The following ADAM10 variants were observed in gnomAD, a reference collection of about 807,000 sequenced individuals.
The protein encoded by ADAM10 is disintegrin and metalloproteinase domain-containing protein 10.
Under a neutral mutation model 90.1 loss-of-function variants are expected in ADAM10, and 17 were observed. That is an observed-to-expected ratio of 0.19 (90% CI 0.13 to 0.28). ADAM10 has a LOEUF of 0.28. ADAM10 is among the 10% of genes least tolerant of loss of function. ADAM10 has a pLI of 1.00. For missense variants in ADAM10, 610 were observed against 914.3 expected, an observed-to-expected ratio of 0.67 and a Z score of 4.29; for synonymous variants, 310 against 298.6, an observed-to-expected ratio of 1.04 and a Z score of -0.40.
At chr15:58,632,170 C>T (rs1296118500) in intron 9 of ADAM10, among the ~76,000 whole-genome samples, 1 of 152,102 alleles carries the variant, frequency 6.6e-6, no homozygotes, top group Non-Finnish European at 1.5e-5. Flanking sequence ...TTCAGTATTT[C>T]ATATTTCTGT....
intron 14 of ADAM10, among the ~76,000 whole-genome samples, chr15:58,600,730 A>T (rs1436532723): frequency 1.3e-5 from 2 of 152,192 alleles, no homozygotes; most frequent in Non-Finnish European, 2.9e-5. Flanking sequence ...ATATTTTGCA[A>T]TTCCAAATAT....
intron 2 of ADAM10, among the ~76,000 whole-genome samples, chr15:58,683,276 CT>C (rs202114968): frequency 3.3e-5 from 5 of 151,032 alleles, no homozygotes; most frequent in African/African-American, 9.7e-5. Context: ...AGTATTACGT[CT>C]TTTTTTTTAC....
In ADAM10 at chr15:58,620,660, A is replaced by ATTTTTTTTTTT. The variant is rs570842513; in HGVS notation, c.1511+800_1511+810dup. Among the ~76,000 whole-genome samples, 2 of 59,416 alleles carry ATTTTTTTTTTT rather than the reference A, an allele frequency of 3.4e-5. 1 individual carries two copies. Among genetic ancestry groups the ATTTTTTTTTTT allele is most frequent in the Non-Finnish European group, 4.7e-5 (2 of 42,692 alleles). The allele number at this position is 59,416 out of a possible 152,430, so 39.0% of individuals were successfully genotyped here. On this transcript the variant is annotated intron_variant, in intron 11 of 15. Coordinates refer to ENST00000260408, the MANE Select transcript of ADAM10 (RefSeq NM_001110.4). The stretch of plus-strand genomic sequence containing the variant: ...CACAATAAGTAACTAAAGAATATGT[A>ATTTTTTTTTTT]TTTTTTTTTTTTTTTTTTTGAGACG...
chr15:58,686,307 C>T (rs1435738330), intron 2 of ADAM10: 15 of 595,548 alleles, frequency 2.5e-5, no homozygotes, highest in African/African-American at 1.5e-4. Flanking sequence ...AAAAGCCACT[C>T]CTTGGAAATA....
intron 1 of ADAM10, chr15:58,748,986 C>T (rs1899884627): frequency 2.5e-6 from 1 of 399,244 alleles, no homozygotes; most frequent in Non-Finnish European, 4.4e-6. Context: ...CGAGTCTGCG[C>T]GGCGGGTCTC....
At chr15:58,676,073 A>G in intron 4 of ADAM10, 1 of 266,158 alleles carries the variant, frequency 3.8e-6, no homozygotes, top group East Asian at 1.0e-4. Flanking sequence ...AAACACTGCT[A>G]AATATATTAA....
chr15:58,706,824 C>T (rs371497099), intron 2 of ADAM10, among the ~76,000 whole-genome samples: 201 of 152,098 alleles, frequency 1.3e-3, no homozygotes, highest in African/African-American at 4.5e-3. Context: ...GCCTGGCCAA[C>T]ATGGGGAAAC....
chr15:58,710,261 A>T (rs952917491), intron 2 of ADAM10, among the ~76,000 whole-genome samples: 1 of 152,228 alleles, frequency 6.6e-6, no homozygotes, highest in African/African-American at 2.4e-5. Context: ...CTGGAAAAAA[A>T]TGTGGAAAAT....
At chr15:58,721,920 C>T (rs1470628810) in intron 1 of ADAM10, among the ~76,000 whole-genome samples, 2 of 151,820 alleles carry the variant, frequency 1.3e-5, no homozygotes, top group African/African-American at 2.4e-5. Context: ...CCCAGCTACT[C>T]GGGAGGCTGA....
At chr15:58,743,826 G>A (rs1281100185) in intron 1 of ADAM10, among the ~76,000 whole-genome samples, 1 of 152,092 alleles carries the variant, frequency 6.6e-6, no homozygotes, top group African/African-American at 2.4e-5. Flanking sequence ...GGCTTGTCTC[G>A]AACTCCTGAC....
chr15:58,628,733 C>A (rs979972184), intron 9 of ADAM10, among the ~76,000 whole-genome samples: 23 of 152,214 alleles, frequency 1.5e-4, no homozygotes, highest in African/African-American at 5.1e-4. Context: ...GCAAAAAACA[C>A]TGGACACTAG....
chr15:58,643,811 G>C (rs1896476869), intron 7 of ADAM10, 75 bp downstream of exon 7: 1 of 1,149,434 alleles, frequency 8.7e-7, no homozygotes, highest in Non-Finnish European at 1.3e-6. Context: ...TTAAAAGCAA[G>C]CTTTTGTGTG....
At chr15:58,606,476 T>A (rs1245178334) in intron 14 of ADAM10, among the ~76,000 whole-genome samples, 3 of 152,244 alleles carry the variant, frequency 2.0e-5, no homozygotes, top group Admixed American at 6.5e-5. Flanking sequence ...TTGAGAAATC[T>A]GCTTCATTCA....
At chr15:58,653,424 G>A (rs1295288737) in intron 5 of ADAM10, among the ~76,000 whole-genome samples, 2 of 152,072 alleles carry the variant, frequency 1.3e-5, no homozygotes, top group Non-Finnish European at 2.9e-5. Flanking sequence ...TTTTTATCAG[G>A]AAAGGATTTT....
intron 1 of ADAM10, among the ~76,000 whole-genome samples, chr15:58,721,094 T>C (rs1294916103): frequency 6.6e-6 from 1 of 152,288 alleles, no homozygotes; most frequent in African/African-American, 2.4e-5. Flanking sequence ...TAACTATTGC[T>C]GTTCTGAAGC....
chr15:58,719,790 G>C (rs1194036772), intron 1 of ADAM10, among the ~76,000 whole-genome samples: 1 of 152,142 alleles, frequency 6.6e-6, no homozygotes, highest in East Asian at 1.9e-4. Context: ...AGATCGAATA[G>C]AAAACTACTC....
At position 58,590,874 on chromosome 15, in the gene ADAM10, CA is replaced by C; in HGVS notation, c.*6672del. 1 of 152,256 alleles carries C rather than the reference CA, an allele frequency of 6.6e-6. No individual in the cohort carries two copies. Among genetic ancestry groups the C allele is most frequent in the South Asian group, 2.1e-4 (1 of 4,826 alleles). 9.4% of individuals were successfully genotyped at this position (152,256 alleles called of 1,614,324 possible). ...AAATGGAACCACTTTTTATATAAGA[CA>C]ACCTACACTCTTATCAAATTATTCT... On this transcript the variant is annotated 3_prime_UTR_variant, in exon 16 of 16. Transcript: ENST00000260408.
intron 6 of ADAM10, 24 bp from the exon 7 acceptor site, chr15:58,644,002 T>A: frequency 6.7e-7 from 1 of 1,495,994 alleles, no homozygotes; most frequent in South Asian, 1.1e-5. Flanking sequence ...AAAAGAACAT[T>A]TTAGAGGCAA....
intron 1 of ADAM10, chr15:58,748,144 TTAAA>T (rs1363950678): frequency 1.3e-5 from 2 of 152,066 alleles, no homozygotes; most frequent in Non-Finnish European, 2.9e-5. Context: ...TTGAAAAAAA[TTAAA>T]TAAAACGTGT....
Sources: allele counts gnomAD v4.1 joint callset (sites outside exome capture counted in the v4.1 genomes callset), GRCh38; gene constraint gnomAD v4.1.1; transcripts MANE v1.5; gene names NCBI Gene and HGNC (gene_info 2026-07-23, HGNC 2026-07-21).